The following RIN3 variants were observed in gnomAD, a reference collection of about 807,000 sequenced individuals.
RIN3 encodes RAB5 interacting protein 3.
Under a neutral mutation model 76.3 loss-of-function variants are expected in RIN3, and 54 were observed. The observed-to-expected ratio is 0.71, with a 90% CI of 0.57 to 0.89. The LOEUF is 0.89. Ranked by LOEUF, RIN3 falls within the 40% of genes least tolerant of loss-of-function variation. The pLI is 0.00. For missense variants in RIN3, 1,256 were observed against 1,322.1 expected (o/e 0.95, Z 0.78); for synonymous variants, 576 against 564.0 (o/e 1.02, Z -0.30).
chr14:92,678,089 T>C (rs980495681), intron 8 of RIN3, among the ~76,000 whole-genome samples: 2 of 146,318 alleles, frequency 1.4e-5, no homozygotes, highest in African/African-American at 5.1e-5. Flanking sequence ...CACCCATCCA[T>C]TCACCCATCC....
chr14:92,525,346 C>G lies in RIN3; in HGVS notation c.44+11370C>G, dbSNP rs571783500. On this transcript the variant is annotated intron_variant, in intron 1 of 9. Coordinates refer to ENST00000216487, the MANE Select transcript of RIN3 (RefSeq NM_024832.5). ...CCACCAGCAGGGACAGTGGCTCTTC[C>G]TGGCAGGGTGTGGGGGGATGGTATT... 3.3e-5 allele frequency among the ~76,000 whole-genome samples: 5 copies of G among 152,302 alleles called. No homozygotes were observed. The East Asian group carries it at 7.7e-4, about 24-fold the overall frequency.
chr14:92,538,676 C>G (rs74645156), intron 1 of RIN3, among the ~76,000 whole-genome samples: 21,854 of 152,202 alleles, frequency 0.14, 1,723 homozygotes, highest in Middle Eastern at 0.21. Flanking sequence ...TTAGCCAGAA[C>G]AAGAGTGCAG....
chr14:92,599,228 A>G (rs144794966), intron 3 of RIN3, among the ~76,000 whole-genome samples: 188 of 149,070 alleles, frequency 1.3e-3, no homozygotes, highest in African/African-American at 4.3e-3. Flanking sequence ...CCTGCTAAAC[A>G]GAAGCCCCCC....
intron 2 of RIN3, among the ~76,000 whole-genome samples, chr14:92,560,018 G>C (rs1388165857): frequency 6.6e-6 from 1 of 152,204 alleles, no homozygotes; most frequent in African/African-American, 2.4e-5. Context: ...AACTGACAAA[G>C]CCAGGCTAGG....
intron 1 of RIN3, among the ~76,000 whole-genome samples, chr14:92,531,116 G>T (rs1471010565): frequency 2.0e-5 from 3 of 152,124 alleles, no homozygotes; most frequent in Non-Finnish European, 2.9e-5. Context: ...GTCTTCGTCA[G>T]CTTGGGCTAC....
At chr14:92,570,589 G>T (rs1898037487) in intron 2 of RIN3, among the ~76,000 whole-genome samples, 2 of 151,392 alleles carry the variant, frequency 1.3e-5, no homozygotes, top group Middle Eastern at 3.4e-3. Flanking sequence ...TTGAACTCTG[G>T]AGGCAAAGGT....
At chr14:92,547,728 G>C (rs1203626822) in intron 1 of RIN3, among the ~76,000 whole-genome samples, 2 of 151,930 alleles carry the variant, frequency 1.3e-5, no homozygotes, top group Non-Finnish European at 2.9e-5. Flanking sequence ...TTTTGAGACA[G>C]AGTCTCGCTG....
rs371645403 is a variant in RIN3, at chr14:92,643,061, C to CT, written c.532+1742dup. Among the ~76,000 whole-genome samples the CT allele has an allele frequency of 0.011, 1,693 of 149,706 alleles. 32 individuals carry two copies. The highest frequency in any genetic ancestry group is 0.036 in the African/African-American group (1,489 of 40,800). On this transcript the variant is annotated intron_variant, in intron 5 of 9. Transcript: ENST00000216487. This position sits in a 1 kb window ranked among gnomAD's most constrained non-coding sequence, Gnocchi z 4.8. ...CATCGTCTCATGGTGCCTCTTAACTCTTTTTTTTTTGAGATGGAGTCTCAC... is the reference window on the plus strand; with the variant it reads ...CATCGTCTCATGGTGCCTCTTAACTCTTTTTTTTTTTGAGATGGAGTCTCAC...
chr14:92,676,714 C>A, intron 8 of RIN3, 108 bp downstream of exon 8: 3 of 1,236,428 alleles, frequency 2.4e-6, no homozygotes, highest in Non-Finnish European at 2.3e-6. Flanking sequence ...CAGACTCTGG[C>A]TGAGCTCTGG....
rs142478790 is a variant in RIN3, at chr14:92,652,826, G to A, written c.1777G>A (p.Ala593Thr). 376 of 1,614,102 alleles carry A rather than the reference G, an allele frequency of 2.3e-4. No homozygotes were observed. Among genetic ancestry groups the A allele is most frequent in the African/African-American group, 1.4e-3 (106 of 75,048 alleles). Residue 593 changes from alanine to threonine, a missense_variant, in exon 6 of 10, where the codon GCT becomes ACT. By Grantham distance (58) the Ala-to-Thr change is moderately conservative. Transcript: ENST00000216487. This position sits in a 1 kb window ranked among gnomAD's most constrained non-coding sequence, Gnocchi z 6.4. ...SFASFSSMFH[A>T]FLSNNRKLYK... ...TGCCAGTTTCAGCAGCATGTTCCAC[G>A]CTTTCCTCTCCAACAACCGCAAGCT...
chr14:92,550,827 G>A (rs1476368893), intron 1 of RIN3, among the ~76,000 whole-genome samples: 2 of 152,182 alleles, frequency 1.3e-5, no homozygotes, highest in Middle Eastern at 3.2e-3. Flanking sequence ...TTCTAATACA[G>A]CAGGCAGGCT....
chr14:92,523,737 C>T (rs1413574357), intron 1 of RIN3, among the ~76,000 whole-genome samples: 2 of 152,228 alleles, frequency 1.3e-5, no homozygotes, highest in Non-Finnish European at 2.9e-5. Flanking sequence ...CTCTCAAATC[C>T]TTGTGCTTTG....
chr14:92,680,860 G>A (rs981099541), intron 8 of RIN3, among the ~76,000 whole-genome samples: 11 of 152,216 alleles, frequency 7.2e-5, no homozygotes, highest in East Asian at 3.8e-4. Context: ...TGCAGCAGGC[G>A]TGTGGGGCAG....
At chr14:92,565,477 A>C (rs888550693) in intron 2 of RIN3, among the ~76,000 whole-genome samples, 4 of 152,244 alleles carry the variant, frequency 2.6e-5, no homozygotes, top group Non-Finnish European at 5.9e-5. Context: ...CCATGGGCAG[A>C]GCAGCAGCAT....
At chr14:92,536,281 G>T (rs1162917774) in intron 1 of RIN3, among the ~76,000 whole-genome samples, 2 of 152,198 alleles carry the variant, frequency 1.3e-5, no homozygotes, top group Non-Finnish European at 2.9e-5. Context: ...TAGACCGTTT[G>T]TGTAGAATTG....
chr14:92,621,235 CAA>C (rs572318532), intron 4 of RIN3, among the ~76,000 whole-genome samples: 10 of 70,694 alleles, frequency 1.4e-4, no homozygotes, highest in Admixed American at 2.2e-4. Flanking sequence ...GACTCCGTCT[CAA>C]AAAAAAAAAA....
intron 2 of RIN3, among the ~76,000 whole-genome samples, chr14:92,561,674 A>G (rs373838730): frequency 1.1e-4 from 16 of 152,246 alleles, no homozygotes; most frequent in African/African-American, 3.6e-4. Flanking sequence ...CCCGTACTTT[A>G]TTCAGATTTC....
chr14:92,537,312 T>C (rs750168620), intron 1 of RIN3, among the ~76,000 whole-genome samples: 47 of 152,200 alleles, frequency 3.1e-4, no homozygotes, highest in Non-Finnish European at 5.6e-4. Context: ...AATCTTTCCA[T>C]GTCAGTACAC....
intron 7 of RIN3, among the ~76,000 whole-genome samples, chr14:92,662,388 G>A (rs570246317): frequency 6.6e-6 from 1 of 152,258 alleles, no homozygotes; most frequent in Non-Finnish European, 1.5e-5. Context: ...GGGACCCTGG[G>A]GGGGATCATG....
Sources: gnomAD v4.1 joint callset for allele counts (sites outside exome capture counted in the v4.1 genomes callset) on GRCh38, gnomAD v4.1.1 for gene constraint, Gnocchi (gnomAD v3.1) non-coding constraint, MANE v1.5 for transcripts, NCBI Gene and HGNC (gene_info 2026-07-23, HGNC 2026-07-21) for gene names.